The following ARHGAP6 variants were observed in gnomAD, a reference collection of about 807,000 sequenced individuals.
ARHGAP6 encodes rho GTPase-activating protein 6.
ARHGAP6 carries 16 observed loss-of-function variants against 55.7 expected under a neutral mutation model. The ratio of observed to expected loss-of-function variants is 0.29; its 90% confidence interval spans 0.19 to 0.44. The LOEUF (loss-of-function observed/expected upper bound fraction) is 0.44. ARHGAP6 is among the 20% of genes least tolerant of loss of function. ARHGAP6 has a pLI of 1.00. For missense variants in ARHGAP6, 698 were observed against 808.9 expected, an observed-to-expected ratio of 0.86 and a Z score of 1.66; for synonymous variants, 382 against 360.9, an observed-to-expected ratio of 1.06 and a Z score of -0.66.
At chrX:11,304,777 CTTTTTTTTTTTT>C (rs953912280) in intron 1 of ARHGAP6, among the ~76,000 whole-genome samples, 8 of 50,286 alleles carry the variant, frequency 1.6e-4, no homozygotes, top group African/African-American at 2.6e-4. Context: ...CTTTCTTTTA[CTTTTTTTTTTTT>C]TTTTTTTTTT....
chrX:11,557,593 C>G (rs1044239017), intron 1 of ARHGAP6, among the ~76,000 whole-genome samples: 2 of 111,492 alleles, frequency 1.8e-5, no homozygotes, highest in Non-Finnish European at 3.8e-5. Flanking sequence ...AGGAACAATC[C>G]TCTAAAAATA....
chrX:11,333,186 G>T (rs950535814), intron 1 of ARHGAP6, among the ~76,000 whole-genome samples: 1 of 111,273 alleles, frequency 9.0e-6, no homozygotes, highest in African/African-American at 3.3e-5. Flanking sequence ...ATATACTTTG[G>T]CTGTGTTCCC....
chrX:11,214,408 C>A (rs1333331002), intron 2 of ARHGAP6, among the ~76,000 whole-genome samples: 2 of 112,637 alleles, frequency 1.8e-5, no homozygotes, highest in African/African-American at 6.4e-5. Context: ...TGGAAGCACA[C>A]AGGGCATGGG....
At chrX:11,610,775 G>A (rs1014639988) in intron 1 of ARHGAP6, among the ~76,000 whole-genome samples, 4 of 111,274 alleles carry the variant, frequency 3.6e-5, no homozygotes, top group Non-Finnish European at 5.7e-5. Flanking sequence ...ATATTTCATC[G>A]CCACACAAAG....
At chrX:11,154,510 T>C (rs1439643300) in intron 10 of ARHGAP6, among the ~76,000 whole-genome samples, 1 of 112,498 alleles carries the variant, frequency 8.9e-6, no homozygotes, top group Non-Finnish European at 1.9e-5. Context: ...TTCTTTAAAG[T>C]ATAGTATTTA....
rs745818062 is a variant in ARHGAP6, at chrX:11,416,929, T to TA, written c.589-162223dup. Among the ~76,000 whole-genome samples the TA allele has an allele frequency of 3.9e-3, 421 of 106,830 alleles. 1 individual carries two copies. The highest frequency in any genetic ancestry group is 0.014 in the Middle Eastern group (3 of 210). 92.8% of individuals were successfully genotyped at this position (106,830 alleles called of 115,157 possible). A position where few individuals can be genotyped will look rare whatever the true frequency, so the allele number is the denominator to read the frequency against. On this transcript the variant is annotated intron_variant, in intron 1 of 12. Coordinates refer to ENST00000337414, the MANE Select transcript of ARHGAP6 (RefSeq NM_013427.3). Reference sequence around the variant, plus strand: ...GAGTGTGCCGCATTTACGCAGGAGATAAACTCTGCCGTGTTTCAATCAAAA... The same window carrying TA: ...GAGTGTGCCGCATTTACGCAGGAGATAAAACTCTGCCGTGTTTCAATCAAAA...
intron 1 of ARHGAP6, among the ~76,000 whole-genome samples, chrX:11,357,392 C>T (rs953176611): frequency 2.7e-5 from 3 of 111,509 alleles, no homozygotes; most frequent in African/African-American, 9.8e-5. Flanking sequence ...CCAGGGGGTC[C>T]TGATTCATGG....
intron 10 of ARHGAP6, chrX:11,148,654 G>A (rs1348134940): frequency 5.3e-6 from 2 of 374,803 alleles, no homozygotes; most frequent in African/African-American, 5.0e-5. Flanking sequence ...TCCAGGTCAG[G>A]GCGTAAACAT....
At chrX:11,484,191 G>T (rs1000953211) in intron 1 of ARHGAP6, among the ~76,000 whole-genome samples, 1 of 111,052 alleles carries the variant, frequency 9.0e-6, no homozygotes, top group Non-Finnish European at 1.9e-5. Context: ...CTTGAAAACT[G>T]GCTTCCCTTG....
Position 11,485,641 on chromosome X carries a change from A to G in ARHGAP6, c.588+178600T>C, listed in dbSNP as rs112701713. On this transcript the variant is annotated intron_variant, in intron 1 of 12. Coordinates refer to ENST00000337414, the MANE Select transcript of ARHGAP6 (RefSeq NM_013427.3). ...TTTTGAATCAGCTCTAATAAATGCT[A>G]AATGAAAATATAATTTTATATGCCA... Among the ~76,000 whole-genome samples, 720 of 112,750 alleles carry G rather than the reference A, an allele frequency of 6.4e-3. 4 individuals are homozygous for G. The highest frequency in any genetic ancestry group is 0.022 in the African/African-American group (681 of 31,056).
chrX:11,317,320 A>G (rs955697421), intron 1 of ARHGAP6, among the ~76,000 whole-genome samples: 3 of 112,378 alleles, frequency 2.7e-5, no homozygotes, highest in African/African-American at 9.7e-5. Flanking sequence ...ACTTGATGCC[A>G]GTAGCACCTC....
chrX:11,562,636 T>G (rs1352866575), intron 1 of ARHGAP6, among the ~76,000 whole-genome samples: 2 of 109,407 alleles, frequency 1.8e-5, no homozygotes, highest in Admixed American at 2.0e-4. Context: ...ACTTTCTGAT[T>G]CCCATCAAAA....
chrX:11,302,434 T>C (rs2048184891), intron 1 of ARHGAP6, among the ~76,000 whole-genome samples: 1 of 112,372 alleles, frequency 8.9e-6, no homozygotes, highest in African/African-American at 3.2e-5. Context: ...CTATGAGAAT[T>C]TTCTAAGAAC....
chrX:11,261,253 G>C (rs1236704791), intron 1 of ARHGAP6, among the ~76,000 whole-genome samples: 1 of 111,331 alleles, frequency 9.0e-6, no homozygotes, highest in Admixed American at 9.5e-5. Flanking sequence ...AGGTGACGCG[G>C]GGAAGAGTTA....
chrX:11,284,811 T>C (rs1192871205), intron 1 of ARHGAP6, among the ~76,000 whole-genome samples: 1 of 111,056 alleles, frequency 9.0e-6, no homozygotes. Flanking sequence ...TCCTGTGCAT[T>C]GTAGAATATT....
chrX:11,277,542 C>T (rs1272957700), intron 1 of ARHGAP6, among the ~76,000 whole-genome samples: 1 of 111,357 alleles, frequency 9.0e-6, no homozygotes, highest in Admixed American at 9.5e-5. Context: ...GAGATATCAA[C>T]AATTACAAGA....
chrX:11,551,119 T>C (rs2051262075), intron 1 of ARHGAP6, among the ~76,000 whole-genome samples: 1 of 111,914 alleles, frequency 8.9e-6, no homozygotes, highest in Non-Finnish European at 1.9e-5. Context: ...ATAAAAGTCA[T>C]GGACAACACA....
At chrX:11,159,095 A>G (rs1433470698) in intron 9 of ARHGAP6, among the ~76,000 whole-genome samples, 2 of 111,636 alleles carry the variant, frequency 1.8e-5, no homozygotes, top group African/African-American at 6.5e-5. Flanking sequence ...AAAGAAAGCC[A>G]ATGATAAAGG....
chrX:11,179,494 A>T, intron 6 of ARHGAP6, 42 bp from the exon 7 acceptor site: 2 of 1,181,151 alleles, frequency 1.7e-6, no homozygotes, highest in Non-Finnish European at 2.3e-6. Context: ...ATAACACCAT[A>T]CCTCAATGAG....
Sources: gnomAD v4.1 joint callset for allele counts (sites outside exome capture counted in the v4.1 genomes callset) on GRCh38, gnomAD v4.1.1 for gene constraint, MANE v1.5 for transcripts, NCBI Gene and HGNC (gene_info 2026-07-23, HGNC 2026-07-21) for gene names.